The following ACAD10 variants were observed in gnomAD, a reference collection of about 807,000 sequenced individuals.
ACAD10 encodes the protein acyl-CoA dehydrogenase family member 10, also known as ACAD-10.
ACAD10 carries 112 observed loss-of-function variants against 116.8 expected under a neutral mutation model. The ratio of observed to expected loss-of-function variants is 0.96; its 90% CI spans 0.82 to 1.12. The LOEUF (loss-of-function observed/expected upper bound fraction) is 1.12, where lower values mean the gene tolerates loss of function less well. Ranked by LOEUF, ACAD10 falls within the 50% of genes most tolerant of loss-of-function variation. The probability of loss-of-function intolerance (pLI) is 0.00; values close to 1 mark genes in which losing one functional copy is unlikely to be tolerated. For synonymous variants in ACAD10, 486 were observed against 510.6 expected, an observed-to-expected ratio of 0.95 and a Z score of 0.65; for missense variants, 1,259 against 1,350.2, an observed-to-expected ratio of 0.93 and a Z score of 1.06.
intron 6 of ACAD10, among the ~76,000 whole-genome samples, chr12:111,713,449 A>G (rs1888750836): frequency 1.3e-5 from 2 of 151,822 alleles, no homozygotes; most frequent in Admixed American, 6.6e-5. Context: ...ACATGGTGAA[A>G]CCTTGACTCT....
intron 16 of ACAD10, 84 bp from the exon 17 acceptor site, chr12:111,748,233 C>A: frequency 6.4e-7 from 1 of 1,551,004 alleles, no homozygotes; most frequent in Non-Finnish European, 8.8e-7. Context: ...CTTACTGTGC[C>A]TTTCTTGGGC....
At chr12:111,729,029 T>C (rs1436297172) in intron 9 of ACAD10, among the ~76,000 whole-genome samples, 1 of 152,104 alleles carries the variant, frequency 6.6e-6, no homozygotes, top group Non-Finnish European at 1.5e-5. Flanking sequence ...GGGCTTTACA[T>C]ATTTTATTCT....
At position 111,698,535 on chromosome 12, in the gene ACAD10, T is replaced by C. The variant is rs151056176; in HGVS notation, c.188-3627T>C. Among the ~76,000 whole-genome samples, 212 of 151,876 alleles carry C rather than the reference T, an allele frequency of 1.4e-3. 1 individual carries two copies. Among genetic ancestry groups the C allele is most frequent in the African/African-American group, 4.9e-3 (202 of 41,424 alleles). ...TCTTGTTGCCCAAGCTGGAATGTAA[T>C]GGTGCAATCTTGGCTCACCACAACT... On this transcript the variant is annotated intron_variant, in intron 2 of 20. Transcript: ENST00000313698.
chr12:111,686,942 C>A (rs148403282), intron 1 of ACAD10, among the ~76,000 whole-genome samples: 1 of 152,260 alleles, frequency 6.6e-6, no homozygotes, highest in African/African-American at 2.4e-5. Flanking sequence ...ATAGTCATTG[C>A]ATAAAGTTGG....
At chr12:111,730,106 A>G (rs1304880168) in intron 10 of ACAD10, 150 bp downstream of exon 10, 1 of 1,169,072 alleles carries the variant, frequency 8.6e-7, no homozygotes, top group Non-Finnish European at 1.2e-6. Context: ...AGGGTTTCTC[A>G]GCTCTGGCAC....
intron 8 of ACAD10, among the ~76,000 whole-genome samples, chr12:111,726,123 G>A (rs1026403061): frequency 1.2e-4 from 18 of 151,956 alleles, no homozygotes; most frequent in Non-Finnish European, 2.2e-4. Context: ...GCATGGTGGC[G>A]CTCACCTGGA....
At chr12:111,703,815 G>C (rs946320208) in intron 3 of ACAD10, among the ~76,000 whole-genome samples, 2 of 151,914 alleles carry the variant, frequency 1.3e-5, no homozygotes, top group African/African-American at 4.8e-5. Context: ...CTGCACTCCA[G>C]CCTGGGTGAC....
At chr12:111,708,270 G>T (rs1424184409) in intron 4 of ACAD10, among the ~76,000 whole-genome samples, 1 of 152,078 alleles carries the variant, frequency 6.6e-6, no homozygotes, top group Non-Finnish European at 1.5e-5. Context: ...ACTTCCCCCA[G>T]ATGTAATTCA....
intron 8 of ACAD10, among the ~76,000 whole-genome samples, chr12:111,722,162 A>G (rs539207457): frequency 1.3e-5 from 2 of 152,204 alleles, no homozygotes; most frequent in African/African-American, 4.8e-5. Context: ...CCTGGGTTCA[A>G]GTGATTCTGC....
chr12:111,748,055 T>C (rs1269619169), intron 16 of ACAD10, among the ~76,000 whole-genome samples: 4 of 152,188 alleles, frequency 2.6e-5, no homozygotes, highest in Admixed American at 6.5e-5. Context: ...TTTCATCCTC[T>C]TGTCTCTAAA....
rs772879598 is a variant in ACAD10 at position 111,744,682 on chromosome 12, T to C, written c.1754T>C (p.Leu585Pro). ...SSTYAEQTGK[L>P]TEFVSNLAWD... ...ACATATGCGGAACAAACTGGAAAGC[T>C]GACCGAATTTGTGTCTAACCTGGCG... The change falls in exon 13 of 21, where the codon CTG becomes CCG. Residue 585 changes from leucine (L) to proline (P), a missense_variant. Physicochemically the swap from Leu to Pro is moderately conservative, Grantham distance 98. Coordinates refer to ENST00000313698, the MANE Select transcript of ACAD10 (RefSeq NM_025247.6). 9.3e-6 allele frequency: 15 copies of C among 1,614,112 alleles called. No individual in the cohort carries two copies. Among genetic ancestry groups the C allele is most frequent in the African/African-American group, 5.3e-5 (4 of 74,950 alleles).
intron 6 of ACAD10, 103 bp downstream of exon 6, chr12:111,712,760 C>G (rs1888724359): frequency 7.5e-7 from 1 of 1,330,340 alleles, no homozygotes; most frequent in Non-Finnish European, 1.0e-6. Flanking sequence ...GACAAAGAAG[C>G]TTTACAGTGA....
intron 9 of ACAD10, among the ~76,000 whole-genome samples, chr12:111,728,677 CAGG>C (rs1436991438): frequency 6.6e-6 from 1 of 151,926 alleles, no homozygotes; most frequent in East Asian, 1.9e-4. Flanking sequence ...CCAGTTTCAA[CAGG>C]GATAGTTTTT....
At chr12:111,747,756 C>G (rs1889955681) in intron 16 of ACAD10, 1 of 1,060,186 alleles carries the variant, frequency 9.4e-7, no homozygotes, top group South Asian at 3.3e-5. Flanking sequence ...TAATGACAAT[C>G]CTGACTTTTA....
At chr12:111,692,633 A>G in intron 1 of ACAD10, 64 bp from the exon 2 acceptor site, 1 of 1,527,912 alleles carries the variant, frequency 6.5e-7, no homozygotes. Flanking sequence ...TCTGAGCTCC[A>G]GGATGGAGGC....
intron 12 of ACAD10, among the ~76,000 whole-genome samples, chr12:111,737,365 T>G (rs1020065161): frequency 6.6e-6 from 1 of 152,048 alleles, no homozygotes; most frequent in Non-Finnish European, 1.5e-5. Context: ...TTTTGTATTT[T>G]TAGTAGAGAT....
At position 111,757,051 on chromosome 12, in the gene ACAD10, G is replaced by A. The variant is rs906537566; in HGVS notation, c.*578G>A. The A allele has an allele frequency of 5.6e-6, 2 of 358,854 alleles. No individual in the cohort carries two copies. Among genetic ancestry groups the A allele is most frequent in the African/African-American group, 2.1e-5 (1 of 46,892 alleles). The allele number at this position is 358,854 out of a possible 1,614,324, so 22.2% of individuals were successfully genotyped here. ...GAACAATCATTTAAATGTTATTTTGGAAAGGGGTTTTGGGGACACAGAAGA... is the reference window on the plus strand; with the variant it reads ...GAACAATCATTTAAATGTTATTTTGAAAAGGGGTTTTGGGGACACAGAAGA... On this transcript the variant is annotated 3_prime_UTR_variant, in exon 21 of 21. Coordinates refer to ENST00000313698, the MANE Select transcript of ACAD10 (RefSeq NM_025247.6).
At chr12:111,708,867 G>A (rs979068414) in intron 4 of ACAD10, among the ~76,000 whole-genome samples, 4 of 152,046 alleles carry the variant, frequency 2.6e-5, no homozygotes, top group Non-Finnish European at 4.4e-5. Context: ...CACCCATTAC[G>A]GATCAGATAT....
At chr12:111,724,104 G>A (rs1420609888) in intron 8 of ACAD10, among the ~76,000 whole-genome samples, 1 of 150,406 alleles carries the variant, frequency 6.6e-6, no homozygotes, top group Non-Finnish European at 1.5e-5. Flanking sequence ...CTTCCTAGAT[G>A]GGATGGCGTC....
Sources: allele counts gnomAD v4.1 joint callset (sites outside exome capture counted in the v4.1 genomes callset), GRCh38; gene constraint gnomAD v4.1.1; transcripts MANE v1.5; gene names NCBI Gene and HGNC (gene_info 2026-07-23, HGNC 2026-07-21).